Variants in ST18 observed in about 807,000 individuals in gnomAD.
The protein encoded by ST18 is suppression of tumorigenicity 18 protein.
Under a neutral mutation model 110.0 loss-of-function variants are expected in ST18, and 50 were observed. The ratio of observed to expected loss-of-function variants is 0.45; its 90% confidence interval spans 0.36 to 0.58. The LOEUF is 0.58. Among genes scored for constraint, ST18 ranks in the 20% least tolerant of loss-of-function variants. The pLI, the probability that ST18 is intolerant of heterozygous loss-of-function variation, is 0.00. For synonymous variants in ST18, 461 were observed against 452.4 expected (o/e 1.02, Z -0.24); for missense variants, 1,306 against 1,280.1 (o/e 1.02, Z -0.31).
chr8:52,399,018 ATTC>A (rs1842070361), intron 2 of ST18, among the ~76,000 whole-genome samples: 2 of 152,116 alleles, frequency 1.3e-5, no homozygotes, highest in South Asian at 2.1e-4. Context: ...ATTGGTAATA[ATTC>A]TTCTTTGAAT....
intron 23 of ST18, among the ~76,000 whole-genome samples, chr8:52,118,783 G>A (rs1306356697): frequency 2.6e-5 from 4 of 152,010 alleles, no homozygotes; most frequent in South Asian, 2.1e-4. Flanking sequence ...TGAAGACACC[G>A]AGCCCAGAGA....
chr8:52,131,551 A>G (rs1019014088), intron 22 of ST18, among the ~76,000 whole-genome samples: 1 of 152,200 alleles, frequency 6.6e-6, no homozygotes, highest in Non-Finnish European at 1.5e-5. Context: ...TTTGCCCCCA[A>G]ATTGAGCCAG....
chr8:52,219,729 C>T (rs886573443), intron 5 of ST18, among the ~76,000 whole-genome samples: 1 of 152,164 alleles, frequency 6.6e-6, no homozygotes, highest in Non-Finnish European at 1.5e-5. Flanking sequence ...ACATTCCCCC[C>T]AGAAGAGATG....
At chr8:52,217,344 C>T (rs2084713105) in intron 6 of ST18, among the ~76,000 whole-genome samples, 1 of 152,036 alleles carries the variant, frequency 6.6e-6, no homozygotes, top group Non-Finnish European at 1.5e-5. Context: ...TAAGGGTAAA[C>T]TCTGCCACTC....
In ST18 at chr8:52,176,245, G is replaced by A. The variant is rs566057923; in HGVS notation, c.278-3662C>T. ...TCAGCATGTAGGTCAGGCTGGTCTC[G>A]AACTCCTGACCTCGTGATCCGCCCG... On this transcript the variant is annotated intron_variant, in intron 9 of 25. Transcript: ENST00000689386. 2.4e-4 allele frequency among the ~76,000 whole-genome samples: 37 copies of A among 152,124 alleles called. 1 individual carries two copies. In the South Asian group the frequency reaches 2.5e-3, roughly 10 times the overall value.
At chr8:52,177,976 G>C (rs1213786581) in intron 9 of ST18, among the ~76,000 whole-genome samples, 1 of 152,152 alleles carries the variant, frequency 6.6e-6, no homozygotes, top group African/African-American at 2.4e-5. Context: ...ATTATTATTA[G>C]TGGTTCTAAT....
intron 2 of ST18, among the ~76,000 whole-genome samples, chr8:52,400,333 G>T (rs1475711488): frequency 6.6e-6 from 1 of 152,062 alleles, no homozygotes; most frequent in Non-Finnish European, 1.5e-5. Context: ...GCAGCATAAA[G>T]TTGGATGTTG....
At chr8:52,190,334 G>A (rs146379688) in intron 8 of ST18, among the ~76,000 whole-genome samples, 116 of 152,152 alleles carry the variant, frequency 7.6e-4, no homozygotes, top group Admixed American at 1.4e-3. Flanking sequence ...TGTCCCAAGC[G>A]TTTCAGATAA....
chr8:52,123,078 T>C (rs1036782389), intron 23 of ST18, among the ~76,000 whole-genome samples: 3 of 152,158 alleles, frequency 2.0e-5, no homozygotes, highest in African/African-American at 7.2e-5. Context: ...GATGGCCTAA[T>C]TTTATTATCA....
intron 2 of ST18, among the ~76,000 whole-genome samples, chr8:52,400,483 G>A (rs1282275990): frequency 1.3e-5 from 2 of 151,996 alleles, no homozygotes; most frequent in East Asian, 1.9e-4. Flanking sequence ...CGGTTGTTTT[G>A]TAGATTCTTT....
intron 2 of ST18, among the ~76,000 whole-genome samples, chr8:52,341,864 G>A (rs6473708): frequency 6.6e-6 from 1 of 152,160 alleles, no homozygotes; most frequent in Admixed American, 6.5e-5. Context: ...CCAGGGGAGG[G>A]GACAGCTGGT....
At chr8:52,130,392 G>A (rs1206345232) in intron 22 of ST18, among the ~76,000 whole-genome samples, 1 of 152,276 alleles carries the variant, frequency 6.6e-6, no homozygotes, top group East Asian at 1.9e-4. Context: ...CCAGGCTTAA[G>A]CAATCGTCCT....
intron 8 of ST18, among the ~76,000 whole-genome samples, chr8:52,186,355 A>G (rs1291882340): frequency 6.6e-6 from 1 of 152,160 alleles, no homozygotes; most frequent in Admixed American, 6.6e-5. Flanking sequence ...AAATGCAAAC[A>G]CCTACACTTA....
At chr8:52,178,877 T>G (rs1464713318) in intron 9 of ST18, among the ~76,000 whole-genome samples, 1 of 152,002 alleles carries the variant, frequency 6.6e-6, no homozygotes, top group Admixed American at 6.6e-5. Flanking sequence ...GCAAACTCTA[T>G]TTTCAAGCCA....
At chr8:52,212,049 G>A (rs1564093854) in intron 8 of ST18, 30 bp downstream of exon 8, 2 of 1,593,118 alleles carry the variant, frequency 1.3e-6, no homozygotes, top group Admixed American at 1.8e-5. Context: ...CCATTAATGT[G>A]AAAAAAAAGT....
intron 5 of ST18, 89 bp from the exon 6 acceptor site, chr8:52,217,990 CAT>C (rs1167164774): frequency 6.6e-6 from 1 of 152,142 alleles, no homozygotes. Context: ...CAATTACTGA[CAT>C]GTGGGGAGGT....
intron 2 of ST18, among the ~76,000 whole-genome samples, chr8:52,256,333 C>G (rs1413611723): frequency 6.6e-6 from 1 of 152,174 alleles, no homozygotes; most frequent in Non-Finnish European, 1.5e-5. Context: ...AACGCAAGGA[C>G]AAATTTGGAG....
intron 9 of ST18, among the ~76,000 whole-genome samples, chr8:52,176,045 G>T (rs1431792670): frequency 1.3e-5 from 2 of 150,454 alleles, no homozygotes; most frequent in Admixed American, 6.6e-5. Flanking sequence ...TTTTTTAGAC[G>T]GAGTCTCCCT....
At chr8:52,236,414 A>G (rs1230192454) in intron 2 of ST18, among the ~76,000 whole-genome samples, 8 of 152,150 alleles carry the variant, frequency 5.3e-5, no homozygotes, top group African/African-American at 1.9e-4. Flanking sequence ...GTTCAAGACC[A>G]ACCTAGCCAA....
Sources: gnomAD v4.1 joint callset for allele counts (sites outside exome capture counted in the v4.1 genomes callset) on GRCh38, gnomAD v4.1.1 for gene constraint, MANE v1.5 for transcripts, NCBI Gene and HGNC (gene_info 2026-07-23, HGNC 2026-07-21) for gene names.